Variants in LHX4 observed in about 807,000 individuals in gnomAD.
The protein encoded by LHX4 is LIM/homeobox protein Lhx4.
A neutral mutation model predicts 39.2 loss-of-function variants in LHX4; 16 were observed. The observed-to-expected ratio is 0.41, with a 90% CI of 0.28 to 0.62. The LOEUF (loss-of-function observed/expected upper bound fraction) is 0.62, where lower values mean the gene tolerates loss of function less well. LHX4 is among the 20% of genes least tolerant of loss of function. LHX4 has a pLI of 0.33. For synonymous variants in LHX4, 206 were observed against 198.1 expected (o/e 1.04, Z -0.33); for missense variants, 439 against 511.9 (o/e 0.86, Z 1.37).
chr1:180,233,553 C>T (rs1173367485), intron 1 of LHX4, among the ~76,000 whole-genome samples: 1 of 152,266 alleles, frequency 6.6e-6, no homozygotes, highest in Non-Finnish European at 1.5e-5. Flanking sequence ...CCTCAGCAGT[C>T]CCTCCACGCG....
At position 180,277,626 on chromosome 1, in the gene LHX4, C is replaced by T. The variant is rs951168506; in HGVS notation, c.*3047C>T. ...AGATTTAAGGGCTAAGAAGCTGGCC[C>T]GATGGGTAAATCAGTGTTGGGAGTC... On this transcript the variant is annotated 3_prime_UTR_variant, in exon 6 of 6. Transcript: ENST00000263726. 4 of 152,150 alleles carry T rather than the reference C, an allele frequency of 2.6e-5. No individual in the cohort carries two copies. Among genetic ancestry groups the T allele is most frequent in the African/African-American group, 7.2e-5 (3 of 41,394 alleles). The allele number at this position is 152,150 out of a possible 1,614,324, so 9.4% of individuals were successfully genotyped here.
At chr1:180,249,604 G>A (rs1647518560) in intron 2 of LHX4, among the ~76,000 whole-genome samples, 1 of 152,216 alleles carries the variant, frequency 6.6e-6, no homozygotes, top group South Asian at 2.1e-4. Flanking sequence ...CTGTGTATTC[G>A]GAAGATGGGG....
upstream of LHX4, among the ~76,000 whole-genome samples, chr1:180,229,386 C>A (rs1340882182): frequency 6.6e-6 from 1 of 152,246 alleles, no homozygotes; most frequent in Admixed American, 6.5e-5. Flanking sequence ...GAGGCAAGTG[C>A]GGACTCCGGC....
chr1:180,234,285 C>G lies in LHX4; in HGVS notation c.76+3680C>G, dbSNP rs2149251940. Among the ~76,000 whole-genome samples the G allele has an allele frequency of 6.7e-6, 1 of 148,820 alleles. No individual in the cohort carries two copies. Among genetic ancestry groups the G allele is most frequent in the South Asian group, 2.1e-4 (1 of 4,748 alleles). On this transcript the variant is annotated intron_variant, in intron 1 of 5. Transcript: ENST00000263726. The surrounding 1 kb of genome is among the most constrained non-coding windows in gnomAD (Gnocchi z 4.8). ...TAGCAGCTGTAGGCACCATAGACCTCCCTCCCTGCGTCGCGAGAATATATT... is the reference window on the plus strand; with the variant it reads ...TAGCAGCTGTAGGCACCATAGACCTGCCTCCCTGCGTCGCGAGAATATATT...
chr1:180,243,279 G>A (rs1218108519), intron 1 of LHX4, among the ~76,000 whole-genome samples: 1 of 151,954 alleles, frequency 6.6e-6, no homozygotes, highest in Non-Finnish European at 1.5e-5. Flanking sequence ...GTGAGCCACT[G>A]TACCTCTGTA....
intron 2 of LHX4, among the ~76,000 whole-genome samples, chr1:180,251,958 A>G (rs911309569): frequency 2.0e-5 from 3 of 152,138 alleles, no homozygotes; most frequent in Middle Eastern, 3.2e-3. Flanking sequence ...GTGGCTCTGA[A>G]GTCCTCAGTG....
intron 2 of LHX4, among the ~76,000 whole-genome samples, chr1:180,264,665 A>G (rs1159285077): frequency 6.6e-6 from 1 of 152,206 alleles, no homozygotes; most frequent in Non-Finnish European, 1.5e-5. Context: ...CCCTTTAAGA[A>G]TCTGATGAAA....
At chr1:180,239,971 G>C (rs1664410896) in intron 1 of LHX4, among the ~76,000 whole-genome samples, 1 of 152,132 alleles carries the variant, frequency 6.6e-6, no homozygotes, top group South Asian at 2.1e-4. Context: ...GGCTCCCATG[G>C]ACCCAGCTCC....
At chr1:180,240,622 G>T (rs1283912151) in intron 1 of LHX4, among the ~76,000 whole-genome samples, 1 of 152,128 alleles carries the variant, frequency 6.6e-6, no homozygotes, top group Non-Finnish European at 1.5e-5. Context: ...AATGTTTCAT[G>T]GTGGCCCCTG....
At chr1:180,261,521 G>A (rs1233831227) in intron 2 of LHX4, among the ~76,000 whole-genome samples, 1 of 152,182 alleles carries the variant, frequency 6.6e-6, no homozygotes, top group Non-Finnish European at 1.5e-5. Context: ...TGGGCATGGT[G>A]GCATGTGCCT....
chr1:180,229,482 G>A (rs1459985071), upstream of LHX4, among the ~76,000 whole-genome samples: 1 of 152,140 alleles, frequency 6.6e-6, no homozygotes, highest in Non-Finnish European at 1.5e-5. Flanking sequence ...TCCCCAGCCC[G>A]GGCCGGCGCC....
chr1:180,264,014 AGTGCAGTGG>A (rs1648213065), intron 2 of LHX4, among the ~76,000 whole-genome samples: 1 of 152,128 alleles, frequency 6.6e-6, no homozygotes. Flanking sequence ...CCCAGGCTGG[AGTGCAGTGG>A]CGTGATCTTG....
upstream of LHX4, among the ~76,000 whole-genome samples, chr1:180,229,915 C>T (rs1340940207): frequency 2.0e-5 from 3 of 147,396 alleles, no homozygotes; most frequent in African/African-American, 7.6e-5. Context: ...AATTTATACC[C>T]AGGGCGCGAG....
chr1:180,260,127 G>T (rs1648044746), intron 2 of LHX4, among the ~76,000 whole-genome samples: 1 of 151,710 alleles, frequency 6.6e-6, no homozygotes, highest in African/African-American at 2.4e-5. Context: ...GCAGCCACGG[G>T]GTGAGTGCCG....
intron 2 of LHX4, among the ~76,000 whole-genome samples, chr1:180,265,018 G>A (rs558649760): frequency 5.3e-5 from 8 of 152,246 alleles, no homozygotes; most frequent in East Asian, 3.9e-4. Context: ...TGCCTATTCC[G>A]GGCCCCCATA....
rs1649107968 is a variant in LHX4 at position 180,277,558 on chromosome 1, ATC to A, written c.*2983_*2984del. The A allele has an allele frequency of 6.6e-6, 1 of 152,134 alleles. No homozygotes were observed. The highest frequency in any genetic ancestry group is 2.4e-5 in the African/African-American group (1 of 41,432). 9.4% of individuals were successfully genotyped at this position (152,134 alleles called of 1,614,324 possible). ...ATGGAAACTGAGGGGCTATGGAGGA[ATC>A]TCTGTTTGTTGGAACGTAATGAAAC... On this transcript the variant is annotated 3_prime_UTR_variant, in exon 6 of 6. Transcript: ENST00000263726.
At chr1:180,229,959 C>CGGAGGCGGGGGGGGCGGGG (rs1238306398), upstream of LHX4, among the ~76,000 whole-genome samples, 141 of 22,734 alleles carry the variant, frequency 6.2e-3, 10 homozygotes, top group Non-Finnish European at 8.6e-3. Flanking sequence ...GAGGCGGAGG[C>CGGAGGCGGGGGGGGCGGGG]GGGGAGGGGG....
intron 1 of LHX4, among the ~76,000 whole-genome samples, chr1:180,238,072 C>T (rs150364968): frequency 6.6e-6 from 1 of 152,190 alleles, no homozygotes; most frequent in East Asian, 1.9e-4. Flanking sequence ...GAGATAATCC[C>T]TGCAAATACA....
At chr1:180,269,994 G>A (rs994357356) in intron 3 of LHX4, 2 of 152,264 alleles carry the variant, frequency 1.3e-5, no homozygotes, top group African/African-American at 4.8e-5. Context: ...AGGCACGGGT[G>A]TGTCCCCCCT....
Sources: allele counts gnomAD v4.1 joint callset (sites outside exome capture counted in the v4.1 genomes callset), GRCh38; gene constraint gnomAD v4.1.1; non-coding constraint Gnocchi (gnomAD v3.1); transcripts MANE v1.5; gene names NCBI Gene and HGNC (gene_info 2026-07-23, HGNC 2026-07-21).